TAS2R1: variants seen among roughly 807,000 people sequenced by gnomAD.
TAS2R1 encodes the protein taste 2 receptor member 1.
For missense variants in TAS2R1, 370 were observed against 353.4 expected, an observed-to-expected ratio of 1.05 and a Z score of -0.38; for synonymous variants, 141 against 134.2, an observed-to-expected ratio of 1.05 and a Z score of -0.35.
the TAS2R1 span, among the ~76,000 whole-genome samples, chr5:9,730,358 TA>T: frequency 6.6e-6 from 1 of 152,050 alleles, no homozygotes; most frequent in African/African-American, 2.4e-5. Flanking sequence ...TGGCTTTGAG[TA>T]AAAGAAAATG....
At chr5:9,682,947 C>T (rs145545909) in intron 1 of TAS2R1, among the ~76,000 whole-genome samples, 2 of 152,100 alleles carry the variant, frequency 1.3e-5, no homozygotes, top group African/African-American at 4.8e-5. Context: ...ACATCCTTAA[C>T]CTGTTCAGTA....
In TAS2R1 at chr5:9,628,716, A is replaced by G. The variant is rs1163816181; in HGVS notation, c.*417T>C. 6.6e-6 allele frequency among the ~76,000 whole-genome samples: 1 copy of G among 152,242 alleles called. No homozygotes were observed. The highest frequency in any genetic ancestry group is 1.5e-5 in the Non-Finnish European group (1 of 68,046). On this transcript the variant is annotated 3_prime_UTR_variant, in exon 1 of 1. Transcript: ENST00000382492. The stretch of plus-strand genomic sequence containing the variant: ...ACAAGGCGTCAGATATTCATGGACC[A>G]TACAGCATTCATGTGTCCTTCTGAC...
chr5:9,764,968 T>C, the TAS2R1 span, among the ~76,000 whole-genome samples: 1 of 152,194 alleles, frequency 6.6e-6, no homozygotes, highest in Non-Finnish European at 1.5e-5. Context: ...GAAAATATGC[T>C]CACAATACAA....
the TAS2R1 span, among the ~76,000 whole-genome samples, chr5:9,890,979 A>C: frequency 2.0e-5 from 3 of 152,152 alleles, no homozygotes; most frequent in Admixed American, 2.0e-4. Context: ...AACCATCCTC[A>C]AAGTATAGTC....
At chr5:9,676,959 T>C (rs1444778466) in intron 1 of TAS2R1, among the ~76,000 whole-genome samples, 1 of 152,188 alleles carries the variant, frequency 6.6e-6, no homozygotes, top group Non-Finnish European at 1.5e-5. Flanking sequence ...TGCACATGTA[T>C]GTTCAATGCA....
intron 1 of TAS2R1, among the ~76,000 whole-genome samples, chr5:9,709,414 C>T (rs1248157534): frequency 6.6e-6 from 1 of 152,182 alleles, no homozygotes; most frequent in Non-Finnish European, 1.5e-5. Flanking sequence ...ACCCTCCATA[C>T]CAATGCTACT....
In TAS2R1 at chr5:9,694,325, G is replaced by A. The variant is rs75190662; in HGVS notation, c.-242+17847C>T. Among the ~76,000 whole-genome samples, 1,412 of 152,202 alleles carry A rather than the reference G, an allele frequency of 9.3e-3. 19 individuals carry two copies. Among genetic ancestry groups the A allele is most frequent in the African/African-American group, 0.032 (1,342 of 41,528 alleles). ...AGAGATCAAAGGGAAATGATTTTCC[G>A]TAGTTACAAATCAAACAAGACATAA... is the stretch of plus-strand genomic sequence containing the variant. On this transcript the variant is annotated intron_variant, in intron 1 of 2. Coordinates refer to the TAS2R1 transcript ENST00000506620.
chr5:9,691,155 C>G (rs559452835), intron 1 of TAS2R1, among the ~76,000 whole-genome samples: 1 of 152,302 alleles, frequency 6.6e-6, no homozygotes, highest in East Asian at 1.9e-4. Flanking sequence ...ATGCTGGGGG[C>G]CCCTCAATCC....
chr5:9,696,122 G>A (rs1336679205), intron 1 of TAS2R1, among the ~76,000 whole-genome samples: 1 of 152,020 alleles, frequency 6.6e-6, no homozygotes, highest in East Asian at 1.9e-4. Context: ...TGACCCGGTA[G>A]AGTCAATATT....
intron 1 of TAS2R1, among the ~76,000 whole-genome samples, chr5:9,705,618 G>A (rs1741589550): frequency 6.6e-6 from 1 of 152,114 alleles, no homozygotes; most frequent in South Asian, 2.1e-4. Flanking sequence ...CAGCACTTTG[G>A]AAGGCTGAGG....
chr5:9,630,941 T>C (rs983366631), upstream of TAS2R1, among the ~76,000 whole-genome samples: 3 of 152,234 alleles, frequency 2.0e-5, no homozygotes, highest in Non-Finnish European at 4.4e-5. Flanking sequence ...CCTGTAATGC[T>C]GAAGTGGGTT....
chr5:9,748,550 C>T, the TAS2R1 span, among the ~76,000 whole-genome samples: 2 of 152,186 alleles, frequency 1.3e-5, no homozygotes, highest in African/African-American at 4.8e-5. Context: ...GGCGCTTTCA[C>T]TCATGGTGGA....
chr5:9,763,271 G>A, the TAS2R1 span, among the ~76,000 whole-genome samples: 120 of 152,282 alleles, frequency 7.9e-4, no homozygotes, highest in African/African-American at 2.7e-3. Context: ...TTGGGAGGCC[G>A]AGGCGGGTGG....
chr5:9,892,532 TACATAACA>T, the TAS2R1 span, among the ~76,000 whole-genome samples: 1 of 152,152 alleles, frequency 6.6e-6, no homozygotes, highest in Non-Finnish European at 1.5e-5. Flanking sequence ...CTGAACCAAC[TACATAACA>T]ACCTCAGGAT....
chr5:9,802,010 G>C, the TAS2R1 span, among the ~76,000 whole-genome samples: 3 of 152,146 alleles, frequency 2.0e-5, no homozygotes, highest in African/African-American at 7.2e-5. Context: ...CCAACTGCCT[G>C]AGAAACCTGA....
the TAS2R1 span, among the ~76,000 whole-genome samples, chr5:9,826,644 T>C: frequency 1.5e-4 from 23 of 152,208 alleles, no homozygotes; most frequent in Admixed American, 1.4e-3. Context: ...AAGATAACTT[T>C]TTTATAACTA....
the TAS2R1 span, among the ~76,000 whole-genome samples, chr5:9,718,339 A>G: frequency 6.6e-6 from 1 of 152,170 alleles, no homozygotes; most frequent in Non-Finnish European, 1.5e-5. Flanking sequence ...AGAAGAATTA[A>G]TGTCACTAAT....
At chr5:9,866,733 G>T in the TAS2R1 span, among the ~76,000 whole-genome samples, 364 of 152,306 alleles carry the variant, frequency 2.4e-3, 3 homozygotes, top group Non-Finnish European at 4.2e-3. Flanking sequence ...AGACTACAAA[G>T]AACTTTGCTT....
chr5:9,685,689 T>C (rs1208534067), intron 1 of TAS2R1, among the ~76,000 whole-genome samples: 3 of 152,184 alleles, frequency 2.0e-5, no homozygotes, highest in Non-Finnish European at 2.9e-5. Flanking sequence ...TGGCTGCTGA[T>C]ACAATGACAT....
Sources: allele counts gnomAD v4.1 joint callset (sites outside exome capture counted in the v4.1 genomes callset), GRCh38; gene constraint gnomAD v4.1.1; transcripts MANE v1.5; gene names NCBI Gene and HGNC (gene_info 2026-07-23, HGNC 2026-07-21).